Variants in OR4K1 observed in about 807,000 individuals in gnomAD.
The protein encoded by OR4K1 is olfactory receptor family 4 subfamily K member 1.
Under a neutral mutation model 14.4 loss-of-function variants are expected in OR4K1, and 16 were observed. The observed-to-expected ratio is 1.11, with a 90% confidence interval of 0.75 to 1.68. OR4K1 has a LOEUF of 1.68. Ranked by LOEUF, OR4K1 falls within the 40% of genes most tolerant of loss-of-function variation. OR4K1 has a pLI of 0.00. For synonymous variants in OR4K1, 181 were observed against 133.1 expected (o/e 1.36, Z -2.48); for missense variants, 548 against 376.9 (o/e 1.45, Z -3.76).
chr14:19,935,885 G>T lies in OR4K1; in HGVS notation c.219G>T (p.Gln73His), dbSNP rs149219228. Residue 73 changes from glutamine to histidine, a missense_variant, in exon 2 of 2, where the codon CAG (glutamine) becomes CAT (histidine). Physicochemically the swap from Gln to His is conservative, Grantham distance 24. Coordinates refer to ENST00000641172, the MANE Select transcript of OR4K1 (RefSeq NM_001004063.3). ...LSNLSFIDICQSNFATPKMLV... is the reference protein window; with the variant it reads ...LSNLSFIDICHSNFATPKMLV... ...ATCTTTCTTTCATTGATATCTGTCA[G>T]TCTAACTTTGCCACCCCCAAGATGC... 1.9e-6 allele frequency: 3 copies of T among 1,614,128 alleles called. No individual in the cohort carries two copies. Among genetic ancestry groups the T allele is most frequent in the Non-Finnish European group, 2.5e-6 (3 of 1,180,062 alleles).
Position 19,936,729 on chromosome 14 carries a change from T to C in OR4K1, c.*127T>C, listed in dbSNP as rs1224579507. 10 of 735,194 alleles carry C rather than the reference T, an allele frequency of 1.4e-5. No individual in the cohort carries two copies. The highest frequency in any genetic ancestry group is 1.6e-5 in the Non-Finnish European group (8 of 491,142). The allele number at this position is 735,194 out of a possible 1,614,324, so 45.5% of individuals were successfully genotyped here. Reference sequence around the variant, plus strand: ...TACAGAATTGGCTTTTTGTTTTAAGTGCAAGGGAATTGCATCAAGTCAGTC... The same window carrying C: ...TACAGAATTGGCTTTTTGTTTTAAGCGCAAGGGAATTGCATCAAGTCAGTC... On this transcript the variant is annotated 3_prime_UTR_variant, in exon 2 of 2. Coordinates refer to ENST00000641172, the MANE Select transcript of OR4K1 (RefSeq NM_001004063.3).
At position 19,931,259 on chromosome 14, in the gene OR4K1, G is replaced by C. The variant is rs547590521; in HGVS notation, c.-20+114G>C. ...AGATAGCAAAGTGGAAGTTATTGCTGTCTCAGACAAATTGAAAACTCCCTC... is the reference window on the plus strand; with the variant it reads ...AGATAGCAAAGTGGAAGTTATTGCTCTCTCAGACAAATTGAAAACTCCCTC... On this transcript the variant is annotated intron_variant, in intron 1 of 1. Transcript: ENST00000641172. The C allele has an allele frequency of 2.6e-5, 4 of 152,400 alleles. No individual in the cohort carries two copies. In the South Asian group the frequency reaches 8.3e-4, roughly 32 times the overall value. 9.4% of individuals were successfully genotyped at this position (152,400 alleles called of 1,614,324 possible). A position where few individuals can be genotyped will look rare whatever the true frequency, so the allele number is the denominator to read the frequency against.
At chr14:19,931,952 A>C (rs1882194005) in intron 1 of OR4K1, among the ~76,000 whole-genome samples, 1 of 152,244 alleles carries the variant, frequency 6.6e-6, no homozygotes, top group African/African-American at 2.4e-5. Flanking sequence ...CTATCTTTTA[A>C]GTTCAGTCAC....
rs546173877 is a variant in OR4K1, at chr14:19,935,764, T to A, written c.98T>A (p.Ile33Lys). 5 of 1,614,180 alleles carry A rather than the reference T, an allele frequency of 3.1e-6. No individual in the cohort carries two copies. The highest frequency in any genetic ancestry group is 1.1e-5 in the South Asian group (1 of 91,086). Residue 33 changes from isoleucine to lysine, a missense_variant, in exon 2 of 2, where the codon ATA (isoleucine) becomes AAA (lysine). Coordinates refer to ENST00000641172, the MANE Select transcript of OR4K1 (RefSeq NM_001004063.3). Reference sequence around the variant, plus strand: ...CTTTTCTTTTTTGCCATCTTCTCTATAGTCTATGTGACATCAGTGCTAGGC... The same window carrying A: ...CTTTTCTTTTTTGCCATCTTCTCTAAAGTCTATGTGACATCAGTGCTAGGC... Reference protein sequence around the residue: ...LQLFFFAIFSIVYVTSVLGNV... With the variant: ...LQLFFFAIFSKVYVTSVLGNV...
upstream of OR4K1, chr14:19,930,827 G>C (rs932766957): frequency 2.0e-5 from 3 of 152,184 alleles, no homozygotes; most frequent in Admixed American, 2.0e-4. Flanking sequence ...GTGTTTTCTT[G>C]CTTCACCAAT....
At chr14:19,920,895 T>C in the OR4K1 span, 2 of 1,614,210 alleles carry the variant, frequency 1.2e-6, no homozygotes, top group African/African-American at 1.3e-5. Flanking sequence ...TTTCAGTGGC[T>C]GCATAGCCCA....
chr14:19,933,597 A>T (rs1882234393), intron 1 of OR4K1, among the ~76,000 whole-genome samples: 1 of 151,698 alleles, frequency 6.6e-6, no homozygotes. Context: ...AGGTTTCTGC[A>T]TTCTTTTTTT....
chr14:19,936,691 T>G lies in OR4K1; in HGVS notation c.*89T>G. ...ATGCCAACCATCTTTGCCAGACATA[T>G]GGGTTATTGAGTTACAGAATTGGCT... On this transcript the variant is annotated 3_prime_UTR_variant, in exon 2 of 2. Transcript: ENST00000641172. 1 of 1,231,246 alleles carries G rather than the reference T, an allele frequency of 8.1e-7. No homozygotes were observed. The highest frequency in any genetic ancestry group is 1.1e-6 in the Non-Finnish European group (1 of 900,812). The allele number at this position is 1,231,246 out of a possible 1,614,324, so 76.3% of individuals were successfully genotyped here.
chr14:19,921,413 A>G, the OR4K1 span: 6 of 1,614,110 alleles, frequency 3.7e-6, no homozygotes, highest in Non-Finnish European at 5.1e-6. Context: ...CTTTGGATAA[A>G]TTTCTTGCCA....
At chr14:19,921,935 A>G in the OR4K1 span, among the ~76,000 whole-genome samples, 7 of 152,258 alleles carry the variant, frequency 4.6e-5, no homozygotes, top group African/African-American at 1.7e-4. Flanking sequence ...TTTCTTAACA[A>G]CATGCCTAAA....
the OR4K1 span, chr14:19,920,566 T>G: frequency 6.5e-7 from 1 of 1,542,672 alleles, no homozygotes; most frequent in South Asian, 1.3e-5. Flanking sequence ...CTATTTATCC[T>G]CCTTTAGAGT....
At chr14:19,924,543 CATT>C in the OR4K1 span, among the ~76,000 whole-genome samples, 1 of 151,756 alleles carries the variant, frequency 6.6e-6, no homozygotes. Flanking sequence ...TTTTGATTTG[CATT>C]AGATGCTGGT....
intron 1 of OR4K1, among the ~76,000 whole-genome samples, chr14:19,933,188 A>G (rs1486918984): frequency 6.6e-6 from 1 of 151,812 alleles, no homozygotes; most frequent in African/African-American, 2.4e-5. Context: ...TTCTATACCA[A>G]TAGAAGTATA....
the OR4K1 span, chr14:19,920,794 T>C: frequency 3.0e-4 from 484 of 1,614,156 alleles, 3 homozygotes; most frequent in South Asian, 4.4e-3. Context: ...TACTTTCTCT[T>C]GGGAAACCTT....
At chr14:19,935,438 T>C (rs190744040) in intron 1 of OR4K1, among the ~76,000 whole-genome samples, 88 of 152,306 alleles carry the variant, frequency 5.8e-4, no homozygotes, top group Admixed American at 5.0e-3. Flanking sequence ...CAGGGATTCA[T>C]ATCTAATCCT....
Position 19,935,710 on chromosome 14 carries a change from T to G in OR4K1, c.44T>G (p.Leu15Trp), listed in dbSNP as rs748910881. ...TCGATGGTGTCTGAGTTTGTACTTTTGGGACTCTCTAATTCCTGGGGACTT... is the reference window on the plus strand; with the variant it reads ...TCGATGGTGTCTGAGTTTGTACTTTGGGGACTCTCTAATTCCTGGGGACTT... ...NESMVSEFVLLGLSNSWGLQL... is the reference protein window; with the variant it reads ...NESMVSEFVLWGLSNSWGLQL... Residue 15 changes from leucine (L) to tryptophan (W), a missense_variant, in exon 2 of 2, where the codon TTG (leucine) becomes TGG (tryptophan). Physicochemically the swap from Leu to Trp is moderately conservative, Grantham distance 61. Coordinates refer to ENST00000641172, the MANE Select transcript of OR4K1 (RefSeq NM_001004063.3). The G allele has an allele frequency of 3.1e-6, 5 of 1,612,570 alleles. No homozygotes were observed. In the Admixed American group the frequency reaches 6.7e-5, roughly 22 times the overall value.
In OR4K1 at chr14:19,936,336, G is replaced by GGT; in HGVS notation, c.673_674dup (p.Arg226SerfsTer16). On this transcript the variant is annotated frameshift_variant, in exon 2 of 2. Coordinates refer to ENST00000641172, the MANE Select transcript of OR4K1 (RefSeq NM_001004063.3). LOFTEE classifies it high-confidence loss of function. Reference sequence around the variant, plus strand: ...TATTTCCTACACCATCATTTTGATCGGTGTCCGATGCAGGTCCTCCAGTGG... The same window carrying GGT: ...TATTTCCTACACCATCATTTTGATCGGTGTGTCCGATGCAGGTCCTCCAGTGG... 1 of 1,614,166 alleles carries GGT rather than the reference G, an allele frequency of 6.2e-7. No individual in the cohort carries two copies. The highest frequency in any genetic ancestry group is 8.5e-7 in the Non-Finnish European group (1 of 1,180,038).
In OR4K1 at chr14:19,936,659, T is replaced by C. The variant is rs750000763; in HGVS notation, c.*57T>C. 41 of 1,459,748 alleles carry C rather than the reference T, an allele frequency of 2.8e-5. No individual in the cohort carries two copies. Among genetic ancestry groups the C allele is most frequent in the Non-Finnish European group, 3.3e-5 (36 of 1,083,922 alleles). The allele number at this position is 1,459,748 out of a possible 1,614,324, so 90.4% of individuals were successfully genotyped here. On this transcript the variant is annotated 3_prime_UTR_variant, in exon 2 of 2. Transcript: ENST00000641172. ...AGAATGAAGACCCTCCAGTGTATCA[T>C]AGTGTCATGCCAACCATCTTTGCCA...
At position 19,936,724 on chromosome 14, in the gene OR4K1, T is replaced by C; in HGVS notation, c.*122T>C. On this transcript the variant is annotated 3_prime_UTR_variant, in exon 2 of 2. Coordinates refer to ENST00000641172, the MANE Select transcript of OR4K1 (RefSeq NM_001004063.3). Reference sequence around the variant, plus strand: ...TGAGTTACAGAATTGGCTTTTTGTTTTAAGTGCAAGGGAATTGCATCAAGT... The same window carrying C: ...TGAGTTACAGAATTGGCTTTTTGTTCTAAGTGCAAGGGAATTGCATCAAGT... 1 of 833,038 alleles carries C rather than the reference T, an allele frequency of 1.2e-6. No individual in the cohort carries two copies. The highest frequency in any genetic ancestry group is 1.7e-6 in the Non-Finnish European group (1 of 574,670). 51.6% of individuals were successfully genotyped at this position (833,038 alleles called of 1,614,324 possible).
Sources: allele counts gnomAD v4.1 joint callset (sites outside exome capture counted in the v4.1 genomes callset), GRCh38; gene constraint gnomAD v4.1.1; transcripts MANE v1.5; gene names NCBI Gene and HGNC (gene_info 2026-07-23, HGNC 2026-07-21).